EMP2: variants seen among roughly 807,000 people sequenced by gnomAD.
EMP2 encodes the protein epithelial membrane protein 2.
Under a neutral mutation model 13.7 loss-of-function variants are expected in EMP2, and 19 were observed. The observed-to-expected ratio is 1.38, with a 90% CI of 0.97 to 2.03. The LOEUF is 2.03. Ranked by LOEUF, EMP2 falls within the 30% of genes most tolerant of loss-of-function variation. EMP2 has a pLI of 0.00. For missense variants in EMP2, 253 were observed against 220.7 expected, an observed-to-expected ratio of 1.15 and a Z score of -0.93; for synonymous variants, 97 against 84.7, an observed-to-expected ratio of 1.15 and a Z score of -0.80.
intron 2 of EMP2, chr16:10,544,453 T>C (rs4780940): frequency 0.41 from 62,901 of 152,302 alleles, 13,497 homozygotes; most frequent in East Asian, 0.65. Flanking sequence ...AGTGCTGGGA[T>C]TACAGGCGTG....
intron 1 of EMP2, among the ~76,000 whole-genome samples, chr16:10,575,237 C>CATTTT: frequency 1.9e-5 from 1 of 52,500 alleles, no homozygotes; most frequent in Non-Finnish European, 3.6e-5. Flanking sequence ...AGCTTGCATT[C>CATTTT]TTTTTTTTTT....
intron 4 of EMP2, among the ~76,000 whole-genome samples, chr16:10,536,901 C>A (rs969127925): frequency 6.6e-6 from 1 of 152,100 alleles, no homozygotes; most frequent in South Asian, 2.1e-4. Context: ...TGCACCTGAC[C>A]GGGACTTTCA....
intron 1 of EMP2, among the ~76,000 whole-genome samples, chr16:10,563,080 C>A (rs536545906): frequency 2.0e-5 from 3 of 152,220 alleles, no homozygotes; most frequent in East Asian, 3.9e-4. Flanking sequence ...AGCCTCACAC[C>A]CATTAGTTTA....
At chr16:10,571,738 G>A (rs189620057) in intron 1 of EMP2, among the ~76,000 whole-genome samples, 74 of 152,318 alleles carry the variant, frequency 4.9e-4, no homozygotes, top group Non-Finnish European at 7.5e-4. Flanking sequence ...AGATGGCAGC[G>A]GTCTGGACCA....
intron 4 of EMP2, among the ~76,000 whole-genome samples, chr16:10,533,704 C>T (rs1209661570): frequency 6.6e-6 from 1 of 152,154 alleles, no homozygotes; most frequent in Non-Finnish European, 1.5e-5. Context: ...CCAGATTTGA[C>T]CTATGGGCCA....
intron 1 of EMP2, among the ~76,000 whole-genome samples, chr16:10,575,584 C>G (rs920072784): frequency 2.0e-5 from 3 of 152,012 alleles, no homozygotes; most frequent in African/African-American, 7.2e-5. Flanking sequence ...AGATGATAAC[C>G]TCCTCTGAAG....
In EMP2 at chr16:10,543,642, C is replaced by G; in HGVS notation, c.97G>C (p.Glu33Gln). 1 of 1,614,230 alleles carries G rather than the reference C, an allele frequency of 6.2e-7. No homozygotes were observed. The highest frequency in any genetic ancestry group is 1.3e-5 in the African/African-American group (1 of 75,060). Reference protein sequence around the residue: ...TVDNAWWVGDEFFADVWRICT... With the variant: ...TVDNAWWVGDQFFADVWRICT... ...ATTCTCCAGACATCTGCAAAAAACT[C>G]ATCTCCTACCCACCAGGCCTGTAAC... The change falls in exon 3 of 5, where the codon GAG (glutamate) becomes CAG (glutamine). Residue 33 changes from glutamate (E) to glutamine (Q), a missense_variant. Physicochemically the swap from Glu to Gln is conservative, Grantham distance 29. Coordinates refer to ENST00000359543, the MANE Select transcript of EMP2 (RefSeq NM_001424.6).
chr16:10,539,832 T>C (rs9925262), intron 3 of EMP2, among the ~76,000 whole-genome samples: 52,678 of 151,860 alleles, frequency 0.35, 10,597 homozygotes, highest in African/African-American at 0.56. Context: ...GGAATTCCAA[T>C]ATGGAGCCCA....
intron 1 of EMP2, among the ~76,000 whole-genome samples, chr16:10,565,268 A>G (rs967723815): frequency 1.3e-5 from 2 of 152,220 alleles, no homozygotes; most frequent in Non-Finnish European, 2.9e-5. Flanking sequence ...TGTCTGGGTC[A>G]CAATGTTTCT....
At chr16:10,553,234 A>G (rs1194886894) in intron 1 of EMP2, among the ~76,000 whole-genome samples, 1 of 152,194 alleles carries the variant, frequency 6.6e-6, no homozygotes, top group African/African-American at 2.4e-5. Context: ...TCCCGACGCC[A>G]GTCAGCCACT....
chr16:10,573,803 TACA>T (rs1471796671), intron 1 of EMP2, among the ~76,000 whole-genome samples: 1 of 152,068 alleles, frequency 6.6e-6, no homozygotes, highest in African/African-American at 2.4e-5. Context: ...CCACAGAAAA[TACA>T]ACAAGAATTT....
chr16:10,550,998 G>A (rs1355992527), intron 1 of EMP2, among the ~76,000 whole-genome samples: 2 of 151,612 alleles, frequency 1.3e-5, no homozygotes, highest in Non-Finnish European at 2.9e-5. Flanking sequence ...TTGTAGAAGT[G>A]ATATTTGATA....
chr16:10,557,320 G>A (rs1375994458), intron 1 of EMP2, among the ~76,000 whole-genome samples: 6 of 146,926 alleles, frequency 4.1e-5, no homozygotes, highest in Non-Finnish European at 8.9e-5. Flanking sequence ...TCCCACCACT[G>A]CACTCCAGCC....
At chr16:10,563,180 C>T (rs573087180) in intron 1 of EMP2, among the ~76,000 whole-genome samples, 1 of 137,712 alleles carries the variant, frequency 7.3e-6, no homozygotes, top group South Asian at 2.1e-4. Context: ...AACAGCATTT[C>T]CTCTTTATTA....
At chr16:10,538,539 T>C (rs1250734378) in intron 3 of EMP2, among the ~76,000 whole-genome samples, 1 of 152,280 alleles carries the variant, frequency 6.6e-6, no homozygotes, top group African/African-American at 2.4e-5. Flanking sequence ...GACTCCACAC[T>C]AGCCTGTAGG....
intron 3 of EMP2, among the ~76,000 whole-genome samples, chr16:10,540,528 A>AAATAAATAAAT (rs1158601671): frequency 1.3e-5 from 2 of 151,432 alleles, no homozygotes; most frequent in African/African-American, 4.9e-5. Context: ...ATAAATAAAC[A>AAATAAATAAAT]AATAAATAAA....
intron 1 of EMP2, among the ~76,000 whole-genome samples, chr16:10,564,831 C>T (rs546149306): frequency 1.2e-4 from 18 of 152,288 alleles, no homozygotes; most frequent in African/African-American, 2.9e-4. Flanking sequence ...GTCCCAGCAA[C>T]GCTTATGTCG....
intron 1 of EMP2, among the ~76,000 whole-genome samples, chr16:10,562,743 G>C (rs905062236): frequency 6.6e-6 from 1 of 152,212 alleles, no homozygotes; most frequent in African/African-American, 2.4e-5. Context: ...CTCAAGTACA[G>C]AAACTATGAC....
In EMP2 at chr16:10,561,274, T is replaced by C. The variant is rs369394908; in HGVS notation, c.-60-13597A>G. ...GAAACAGTTCATTTGGTTTTAGAAATTGGTGACATGGTAGAAATGCATTCA... is the reference window on the plus strand; with the variant it reads ...GAAACAGTTCATTTGGTTTTAGAAACTGGTGACATGGTAGAAATGCATTCA... On this transcript the variant is annotated intron_variant, in intron 1 of 4. Coordinates refer to ENST00000359543, the MANE Select transcript of EMP2 (RefSeq NM_001424.6). Among the ~76,000 whole-genome samples the C allele has an allele frequency of 3.9e-5, 6 of 152,236 alleles. No homozygotes were observed. In the East Asian group the frequency reaches 1.2e-3, roughly 29 times the overall value.
Sources: gnomAD v4.1 joint callset for allele counts (sites outside exome capture counted in the v4.1 genomes callset) on GRCh38, gnomAD v4.1.1 for gene constraint, MANE v1.5 for transcripts, NCBI Gene and HGNC (gene_info 2026-07-23, HGNC 2026-07-21) for gene names.